ATXN2L: variants seen among roughly 807,000 people sequenced by gnomAD.
The protein encoded by ATXN2L is ataxin-2-like protein.
ATXN2L carries 24 observed loss-of-function variants against 120.7 expected under a neutral mutation model. The ratio of observed to expected loss-of-function variants is 0.20; its 90% CI spans 0.14 to 0.28. The LOEUF (loss-of-function observed/expected upper bound fraction) is 0.28. Among genes scored for constraint, ATXN2L ranks in the 10% least tolerant of loss-of-function variants. ATXN2L has a pLI of 1.00. For synonymous variants in ATXN2L, 653 were observed against 568.1 expected, an observed-to-expected ratio of 1.15 and a Z score of -2.13; for missense variants, 1,312 against 1,432.3, an observed-to-expected ratio of 0.92 and a Z score of 1.36.
intron 9 of ATXN2L, 75 bp from the exon 10 acceptor site, chr16:28,830,887 T>C: frequency 6.7e-7 from 1 of 1,492,630 alleles, no homozygotes; most frequent in East Asian, 2.3e-5. Flanking sequence ...GGAATGACGC[T>C]GCATCGGTGG....
rs2054038374 is a variant in ATXN2L at position 28,830,645 on chromosome 16, A to G, written c.1065A>G (p.Arg355=). The change falls in exon 9 of 22, where the codon CGA becomes CGG. Residue 355 remains arginine, a synonymous_variant. Transcript: ENST00000336783. Reference sequence around the variant, plus strand: ...GGAAGTATATCCCTCTGCCTCAACGAGTCCGGGAAGGTCCCCGGGGAGGAG... The same window carrying G: ...GGAAGTATATCCCTCTGCCTCAACGGGTCCGGGAAGGTCCCCGGGGAGGAG... The part of the protein sequence containing the change: ...REGKYIPLPQ[R]VREGPRGGVR... The G allele has an allele frequency of 6.2e-7, 1 of 1,608,284 alleles. No homozygotes were observed.
chr16:28,825,715 A>C (rs2051660861), intron 3 of ATXN2L, 35 bp downstream of exon 3: 3 of 1,613,400 alleles, frequency 1.9e-6, no homozygotes. Flanking sequence ...TTGTTTAAGG[A>C]ACGTAATGCA....
Position 28,836,563 on chromosome 16 carries a change from A to G in ATXN2L, c.*298A>G, listed in dbSNP as rs996635062. ...GGCACATGAGTGAGGGCTCTGGCTT[A>G]CTGGGAAACAGCGATTGACCTGTGC... On this transcript the variant is annotated 3_prime_UTR_variant, in exon 22 of 22. Coordinates refer to ENST00000336783, the MANE Select transcript of ATXN2L (RefSeq NM_007245.4). The G allele has an allele frequency of 1.3e-6, 2 of 1,569,622 alleles. No homozygotes were observed. Among genetic ancestry groups the G allele is most frequent in the Non-Finnish European group, 1.7e-6 (2 of 1,160,630 alleles).
Position 28,836,940 on chromosome 16 carries a change from G to C in ATXN2L, c.*675G>C. 1 of 775,120 alleles carries C rather than the reference G, an allele frequency of 1.3e-6. No individual in the cohort carries two copies. Among genetic ancestry groups the C allele is most frequent in the Non-Finnish European group, 2.1e-6 (1 of 474,000 alleles). 48.0% of individuals were successfully genotyped at this position (775,120 alleles called of 1,614,324 possible). A position where few individuals can be genotyped will look rare whatever the true frequency, so the allele number is the denominator to read the frequency against. ...CCTTGAATGGGAGGGGCCTCACAGA[G>C]GGCAGGGCCAGGGTCCAGCAGGGGT... is the stretch of plus-strand genomic sequence containing the variant. On this transcript the variant is annotated 3_prime_UTR_variant, in exon 22 of 22. Transcript: ENST00000336783.
Position 28,830,636 on chromosome 16 carries a change from G to A in ATXN2L, c.1056G>A (p.Leu352=). 1.2e-6 allele frequency: 2 copies of A among 1,605,740 alleles called. No individual in the cohort carries two copies. Among genetic ancestry groups the A allele is most frequent in the Non-Finnish European group, 1.7e-6 (2 of 1,176,312 alleles). Residue 352 remains leucine (L), a synonymous_variant, in exon 9 of 22, where the codon CTG becomes CTA. Transcript: ENST00000336783. ...TCAGGGAGGGGAAGTATATCCCTCT[G>A]CCTCAACGAGTCCGGGAAGGTCCCC... ...LASREGKYIP[L]PQRVREGPRG... is the part of the protein sequence containing the mutation.
At position 28,835,935 on chromosome 16, in the gene ATXN2L, C is replaced by T. The variant is rs572048504; in HGVS notation, c.2898C>T (p.Ala966=). The T allele has an allele frequency of 1.9e-5, 29 of 1,543,494 alleles. No individual in the cohort carries two copies. In the Admixed American group the frequency reaches 3.6e-4, roughly 19 times the overall value. The change falls in exon 22 of 22, where the codon GCC becomes GCT. Residue 966 remains alanine (A), a splice_region_variant and synonymous_variant. Transcript: ENST00000336783. The stretch of plus-strand genomic sequence containing the variant: ...GGCTACTTTTTTGTTTTCCACAGGC[C>T]CATGTCCAAACTGGAATCACAGCAG... ...GFTNMAHVTQ[A]HVQTGITAAP... is the part of the protein sequence containing the mutation.
In ATXN2L at chr16:28,823,147, G is replaced by A. The variant is rs1187957514; in HGVS notation, c.-113G>A. On this transcript the variant is annotated 5_prime_UTR_variant, in exon 1 of 22. Coordinates refer to ENST00000336783, the MANE Select transcript of ATXN2L (RefSeq NM_007245.4). ...CGCGGGGCTCCCCCCGCCCGCCCAC[G>A]GCGGGCCCCGGCTGCCCGATCCCCC... The A allele has an allele frequency of 5.0e-6, 2 of 396,140 alleles. No homozygotes were observed. Among genetic ancestry groups the A allele is most frequent in the African/African-American group, 4.9e-5 (2 of 41,060 alleles). The allele number at this position is 396,140 out of a possible 1,614,324, so 24.5% of individuals were successfully genotyped here.
In ATXN2L at chr16:28,835,416, G is replaced by T. The variant is rs371695617; in HGVS notation, c.2685+17G>T. On this transcript the variant is annotated intron_variant, in intron 20 of 21. Coordinates refer to ENST00000336783, the MANE Select transcript of ATXN2L (RefSeq NM_007245.4). ...CCTGTCCAGGTGCCTGCCATGGGGG[G>T]TGCTGAGTGGTCCTGGTGCAGGAAT... is the stretch of plus-strand genomic sequence containing the variant. 30 of 1,612,272 alleles carry T rather than the reference G, an allele frequency of 1.9e-5. No homozygotes were observed. The highest frequency in any genetic ancestry group is 1.7e-4 in the Middle Eastern group (1 of 6,012).
intron 15 of ATXN2L, chr16:28,833,782 A>G: frequency 1.6e-6 from 1 of 608,880 alleles, no homozygotes; most frequent in South Asian, 2.0e-5. Flanking sequence ...CATTTGGCTG[A>G]GGGAGTATTG....
chr16:28,829,504 G>C lies in ATXN2L; in HGVS notation c.833+12G>C, dbSNP rs527807481. 5 of 1,554,266 alleles carry C rather than the reference G, an allele frequency of 3.2e-6. No individual in the cohort carries two copies. Among genetic ancestry groups the C allele is most frequent in the African/African-American group, 1.4e-5 (1 of 73,724 alleles). ...CTTTCTTCTTATACGTGAGTATCTT[G>C]GTGCTCTCCAGGTGATGTGTTGGTG... On this transcript the variant is annotated intron_variant, in intron 7 of 21. Coordinates refer to ENST00000336783, the MANE Select transcript of ATXN2L (RefSeq NM_007245.4).
At position 28,829,491 on chromosome 16, in the gene ATXN2L, A is replaced by G. The variant is rs1184512697; in HGVS notation, c.832A>G (p.Thr278Ala). Residue 278 changes from threonine to alanine, a missense_variant and splice_region_variant, in exon 7 of 22, where the codon ACG (threonine) becomes GCG (alanine). Thr to Ala is a moderately conservative substitution (Grantham distance 58). Coordinates refer to ENST00000336783, the MANE Select transcript of ATXN2L (RefSeq NM_007245.4). Reference sequence around the variant, plus strand: ...CTATGATAGCAGTCTTTCTTCTTATACGTGAGTATCTTGGTGCTCTCCAGG... The same window carrying G: ...CTATGATAGCAGTCTTTCTTCTTATGCGTGAGTATCTTGGTGCTCTCCAGG... ...TTYDSSLSSY[T>A]VPLEKDNSEE... is the part of the protein sequence containing the mutation. The G allele has an allele frequency of 6.3e-7, 1 of 1,594,414 alleles. No homozygotes were observed.
intron 6 of ATXN2L, among the ~76,000 whole-genome samples, chr16:28,829,127 C>T (rs1235278450): frequency 1.3e-5 from 2 of 152,074 alleles, no homozygotes; most frequent in Non-Finnish European, 2.9e-5. Flanking sequence ...TCCTGAGTAG[C>T]GAGTAGCTAG....
Position 28,835,597 on chromosome 16 carries a change from A to C in ATXN2L, c.2734A>C (p.Asn912His), listed in dbSNP as rs1394318912. ...PHLGSGQPQQ[N>H]LYHPGALTGT... ...CTTGGGCAGTGGACAGCCACAGCAG[A>C]ATCTGTACCACCCAGGGGCCCTGAC... Residue 912 changes from asparagine (N) to histidine (H), a missense_variant, in exon 21 of 22, where the codon AAT becomes CAT. Coordinates refer to ENST00000336783, the MANE Select transcript of ATXN2L (RefSeq NM_007245.4). 1 of 1,613,980 alleles carries C rather than the reference A, an allele frequency of 6.2e-7. No homozygotes were observed. The highest frequency in any genetic ancestry group is 1.7e-5 in the Admixed American group (1 of 60,008).
rs773389057 is a variant in ATXN2L at position 28,826,967 on chromosome 16, A to G, written c.722A>G (p.Tyr241Cys). 8.9e-6 allele frequency: 14 copies of G among 1,568,258 alleles called. No homozygotes were observed. Among genetic ancestry groups the G allele is most frequent in the East Asian group, 6.8e-5 (3 of 43,848 alleles). The change falls in exon 6 of 22, where the codon TAT becomes TGT. Residue 241 changes from tyrosine (Y) to cysteine (C), a missense_variant. By Grantham distance (194) the Tyr-to-Cys change is radical. Coordinates refer to ENST00000336783, the MANE Select transcript of ATXN2L (RefSeq NM_007245.4). ...WEGGDSNSDD[Y>C]DLESDMSNGW... Reference sequence around the variant, plus strand: ...GGGGGTGACAGCAACAGCGACGACTATGACCTCGAGTCTGACATGGTATAG... The same window carrying G: ...GGGGGTGACAGCAACAGCGACGACTGTGACCTCGAGTCTGACATGGTATAG...
chr16:28,835,424 T>C lies in ATXN2L; in HGVS notation c.2685+25T>C, dbSNP rs1244183676. On this transcript the variant is annotated intron_variant, in intron 20 of 21. Coordinates refer to ENST00000336783, the MANE Select transcript of ATXN2L (RefSeq NM_007245.4). ...GGTGCCTGCCATGGGGGGTGCTGAG[T>C]GGTCCTGGTGCAGGAATGGGTGGCC... 6 of 1,612,028 alleles carry C rather than the reference T, an allele frequency of 3.7e-6. No homozygotes were observed. In the South Asian group the frequency reaches 6.6e-5, roughly 18 times the overall value.
At chr16:28,823,581 G>A in intron 1 of ATXN2L, 23 bp downstream of exon 1, 1 of 1,308,978 alleles carries the variant, frequency 7.6e-7, no homozygotes, top group Non-Finnish European at 9.7e-7. Context: ...GGCTCCGGGC[G>A]AGGGAGCCGC....
intron 1 of ATXN2L, chr16:28,823,933 A>G: frequency 4.0e-6 from 1 of 252,150 alleles, no homozygotes; most frequent in Non-Finnish European, 6.7e-6. Flanking sequence ...GCCAATGGGG[A>G]GTCTGCTGCG....
rs370656699 is a variant in ATXN2L at position 28,830,232 on chromosome 16, G to A, written c.1034+174G>A. Among the ~76,000 whole-genome samples the A allele has an allele frequency of 4.6e-5, 7 of 152,204 alleles. No individual in the cohort carries two copies. The South Asian group carries it at 1.5e-3, about 32-fold the overall frequency. Reference sequence around the variant, plus strand: ...GTAATTTGCCTAAAGTAACAAAGCTGGAGCTTGTAGATCTAAAAAAAAAAA... The same window carrying A: ...GTAATTTGCCTAAAGTAACAAAGCTAGAGCTTGTAGATCTAAAAAAAAAAA... On this transcript the variant is annotated intron_variant, in intron 8 of 21. Coordinates refer to ENST00000336783, the MANE Select transcript of ATXN2L (RefSeq NM_007245.4).
chr16:28,823,224 C>T lies in ATXN2L; in HGVS notation c.-36C>T, dbSNP rs780789806. On this transcript the variant is annotated 5_prime_UTR_variant, in exon 1 of 22. Coordinates refer to ENST00000336783, the MANE Select transcript of ATXN2L (RefSeq NM_007245.4). ...CCCAGCCCCGGCCCCCTCTCTCCCT[C>T]CCTTCTCTCTAATTCCCCTTCCGGA... The T allele has an allele frequency of 2.2e-6, 3 of 1,353,838 alleles. No individual in the cohort carries two copies. The highest frequency in any genetic ancestry group is 5.8e-5 in the Admixed American group (2 of 34,376). 83.9% of individuals were successfully genotyped at this position (1,353,838 alleles called of 1,614,324 possible).
Sources: gnomAD v4.1 joint callset for allele counts (sites outside exome capture counted in the v4.1 genomes callset) on GRCh38, gnomAD v4.1.1 for gene constraint, MANE v1.5 for transcripts, NCBI Gene and HGNC (gene_info 2026-07-23, HGNC 2026-07-21) for gene names.